Variants in GRM5 observed in about 807,000 individuals in gnomAD.
GRM5 encodes glutamate metabotropic receptor 5.
In GRM5, 19 loss-of-function variants were observed where a neutral mutation model predicts 83.1. That is an observed-to-expected ratio of 0.23 (90% CI 0.16 to 0.34). The LOEUF (loss-of-function observed/expected upper bound fraction) is 0.34. Among genes scored for constraint, GRM5 ranks in the 10% least tolerant of loss-of-function variants. The pLI, the probability that GRM5 is intolerant of heterozygous loss-of-function variation, is 1.00. For synonymous variants in GRM5, 675 were observed against 633.6 expected (o/e 1.07, Z -0.98); for missense variants, 1,160 against 1,588.3 (o/e 0.73, Z 4.58).
chr11:88,923,024 T>C (rs1306389191), intron 2 of GRM5, among the ~76,000 whole-genome samples: 2 of 137,120 alleles, frequency 1.5e-5, no homozygotes, highest in African/African-American at 5.5e-5. Flanking sequence ...AACTACAATA[T>C]GATTTCATCT....
At chr11:88,718,504 G>A (rs1220109490) in intron 3 of GRM5, among the ~76,000 whole-genome samples, 5 of 152,012 alleles carry the variant, frequency 3.3e-5, no homozygotes, top group South Asian at 4.1e-4. Flanking sequence ...CAGTGCAAAT[G>A]TATTCATATA....
Position 88,509,051 on chromosome 11 carries a change from C to A in GRM5, c.3180G>T (p.Gln1060His). Residue 1060 changes from glutamine to histidine, a missense_variant, in exon 10 of 10, where the codon CAG (glutamine) becomes CAT (histidine). Coordinates refer to ENST00000305447, the MANE Select transcript of GRM5 (RefSeq NM_001143831.3). ...TGAAGCGGGTGACCACACTGCTGAT[C>A]TGCTCCATGAGGGAGCCCTGCGAGG... ...SSSSQGSLME[Q>H]ISSVVTRFTA... 5 of 1,558,720 alleles carry A rather than the reference C, an allele frequency of 3.2e-6. No individual in the cohort carries two copies. The highest frequency in any genetic ancestry group is 4.3e-6 in the Non-Finnish European group (5 of 1,150,878).
At chr11:88,562,150 G>T (rs1478692584) in intron 8 of GRM5, among the ~76,000 whole-genome samples, 1 of 152,126 alleles carries the variant, frequency 6.6e-6, no homozygotes, top group Non-Finnish European at 1.5e-5. Context: ...TTTGCAAAAT[G>T]ATAGAAAGAG....
At chr11:89,009,900 C>CAAAAAAAAA (rs758398638) in intron 2 of GRM5, among the ~76,000 whole-genome samples, 8 of 21,680 alleles carry the variant, frequency 3.7e-4, no homozygotes, top group African/African-American at 9.2e-4. Context: ...GACTCCGTCT[C>CAAAAAAAAA]AAAAAAAAAA....
chr11:88,538,125 G>C (rs1193548806), intron 8 of GRM5, among the ~76,000 whole-genome samples: 2 of 147,858 alleles, frequency 1.4e-5, no homozygotes, highest in African/African-American at 5.0e-5. Context: ...CAACAAAAAA[G>C]AACAAACCAA....
At position 88,773,264 on chromosome 11, in the gene GRM5, G is replaced by C. The variant is rs941091799; in HGVS notation, c.911+76642C>G. On this transcript the variant is annotated intron_variant, in intron 3 of 9. Transcript: ENST00000305447. ...AGATGTCTTCTTTTGAGAAGTGTCTGTCTGTTCATATCCTTTGTCCACTTT... is the reference window on the plus strand; with the variant it reads ...AGATGTCTTCTTTTGAGAAGTGTCTCTCTGTTCATATCCTTTGTCCACTTT... Among the ~76,000 whole-genome samples the C allele has an allele frequency of 3.3e-5, 5 of 152,024 alleles. No individual in the cohort carries two copies. The East Asian group carries it at 9.6e-4, about 29-fold the overall frequency.
intron 3 of GRM5, among the ~76,000 whole-genome samples, chr11:88,740,086 T>A (rs1014556483): frequency 6.6e-6 from 1 of 152,094 alleles, no homozygotes; most frequent in African/African-American, 2.4e-5. Context: ...ATCGAGTTTC[T>A]CCAGTATAAG....
rs567970323 is a variant in GRM5 at position 88,942,568 on chromosome 11, A to C, written c.662-92413T>G. Among the ~76,000 whole-genome samples the C allele has an allele frequency of 3.3e-5, 5 of 152,136 alleles. No homozygotes were observed. In the East Asian group the frequency reaches 5.8e-4, roughly 18 times the overall value. On this transcript the variant is annotated intron_variant, in intron 2 of 9. Coordinates refer to ENST00000305447, the MANE Select transcript of GRM5 (RefSeq NM_001143831.3). ...TGATGGCCCTCAAAGGTTTTCCTAA[A>C]ATTATATATTCATAAATTAAACATA...
At chr11:88,795,630 T>C (rs1341943360) in intron 3 of GRM5, among the ~76,000 whole-genome samples, 2 of 152,174 alleles carry the variant, frequency 1.3e-5, no homozygotes, top group Non-Finnish European at 2.9e-5. Context: ...GTTCAAGATA[T>C]CATGACAACC....
chr11:88,890,739 C>A (rs1254703772), intron 2 of GRM5, among the ~76,000 whole-genome samples: 6 of 152,046 alleles, frequency 3.9e-5, no homozygotes, highest in South Asian at 2.1e-4. Context: ...TAGAAAGAGT[C>A]AGATCTTATA....
intron 3 of GRM5, among the ~76,000 whole-genome samples, chr11:88,817,258 G>T (rs11021444): frequency 0.025 from 3,872 of 151,920 alleles, 170 homozygotes; most frequent in African/African-American, 0.089. Context: ...TGCTTATTTT[G>T]CCACTGTTTA....
chr11:88,784,944 A>G (rs879137397), intron 3 of GRM5, among the ~76,000 whole-genome samples: 2 of 152,094 alleles, frequency 1.3e-5, no homozygotes, highest in Admixed American at 1.3e-4. Flanking sequence ...CATATAAATC[A>G]TAGACTAAGA....
chr11:88,692,061 C>G (rs1245800704), intron 3 of GRM5, among the ~76,000 whole-genome samples: 1 of 152,146 alleles, frequency 6.6e-6, no homozygotes, highest in Admixed American at 6.6e-5. Context: ...GGAAGCTGCA[C>G]ACCATTTTCT....
intron 2 of GRM5, among the ~76,000 whole-genome samples, chr11:88,887,180 T>C (rs1354965841): frequency 6.6e-6 from 1 of 152,218 alleles, no homozygotes; most frequent in African/African-American, 2.4e-5. Context: ...CAAATGTTAG[T>C]TCTTGATACT....
At chr11:88,791,538 A>G (rs960581418) in intron 3 of GRM5, among the ~76,000 whole-genome samples, 7 of 152,108 alleles carry the variant, frequency 4.6e-5, no homozygotes, top group African/African-American at 1.7e-4. Flanking sequence ...ACACATAATA[A>G]GGATGCAATA....
At chr11:88,771,181 G>C (rs944459852) in intron 3 of GRM5, among the ~76,000 whole-genome samples, 3 of 152,072 alleles carry the variant, frequency 2.0e-5, no homozygotes, top group African/African-American at 7.2e-5. Flanking sequence ...CAGGAATTAA[G>C]ACATGCTTGT....
chr11:88,561,485 C>T (rs1177390685), intron 8 of GRM5, among the ~76,000 whole-genome samples: 2 of 152,258 alleles, frequency 1.3e-5, no homozygotes, highest in Non-Finnish European at 2.9e-5. Flanking sequence ...CATTTTAGAA[C>T]CCCAGTTCCA....
At chr11:88,644,056 C>T (rs978481048) in intron 4 of GRM5, among the ~76,000 whole-genome samples, 1 of 152,190 alleles carries the variant, frequency 6.6e-6, no homozygotes, top group East Asian at 1.9e-4. Flanking sequence ...AAAACTTGCA[C>T]ACATTCTACA....
chr11:89,033,783 T>C (rs1047209990), intron 2 of GRM5, among the ~76,000 whole-genome samples: 2 of 151,722 alleles, frequency 1.3e-5, no homozygotes, highest in African/African-American at 4.8e-5. Context: ...ACATTCCAAA[T>C]ACGTGAAAGC....
Sources: allele counts gnomAD v4.1 joint callset (sites outside exome capture counted in the v4.1 genomes callset), GRCh38; gene constraint gnomAD v4.1.1; transcripts MANE v1.5; gene names NCBI Gene and HGNC (gene_info 2026-07-23, HGNC 2026-07-21).